The following ICE1 variants were observed in gnomAD, a reference collection of about 807,000 sequenced individuals.
ICE1 encodes the protein little elongation complex subunit 1.
ICE1 carries 64 observed loss-of-function variants against 192.7 expected under a neutral mutation model. That is an observed-to-expected ratio of 0.33 (90% CI 0.27 to 0.41). The LOEUF is 0.41. Among genes scored for constraint, ICE1 ranks in the 10% least tolerant of loss-of-function variants. The pLI, the probability that ICE1 is intolerant of heterozygous loss-of-function variation, is 1.00. For missense variants in ICE1, 2,708 were observed against 2,696.0 expected (o/e 1.00, Z -0.10); for synonymous variants, 1,010 against 984.5 (o/e 1.03, Z -0.49).
In ICE1 at chr5:5,463,762, T is replaced by A. The variant is rs1307546428; in HGVS notation, c.4428T>A (p.Thr1476=). The A allele has an allele frequency of 1.9e-6, 3 of 1,613,988 alleles. No homozygotes were observed. The South Asian group carries it at 3.3e-5, about 18-fold the overall frequency. The change falls in exon 13 of 19, where the codon ACT becomes ACA. Residue 1476 remains threonine, a synonymous_variant. Transcript: ENST00000296564. The part of the protein sequence containing the change: ...SAEKSPEASH[T]GPAFQEAPCG... Reference sequence around the variant, plus strand: ...AGAAGTCCCCAGAGGCCAGTCACACTGGCCCTGCATTTCAGGAGGCTCCAT... The same window carrying A: ...AGAAGTCCCCAGAGGCCAGTCACACAGGCCCTGCATTTCAGGAGGCTCCAT...
chr5:5,429,320 G>A (rs1737627813), intron 1 of ICE1, among the ~76,000 whole-genome samples: 1 of 152,130 alleles, frequency 6.6e-6, no homozygotes, highest in Non-Finnish European at 1.5e-5. Context: ...CATCAGTTTG[G>A]GGAATGATGG....
In ICE1 at chr5:5,477,857, CAT is replaced by C. The variant is rs575136389; in HGVS notation, c.6520+1780_6520+1781del. Among the ~76,000 whole-genome samples, 38 of 152,332 alleles carry C rather than the reference CAT, an allele frequency of 2.5e-4. 1 individual carries two copies. The South Asian group carries it at 7.9e-3, about 32-fold the overall frequency. ...GCAAAGCAATAAGCCTAATCCATCA[CAT>C]AAACAGAACCAGTGACAAAAACCAC... On this transcript the variant is annotated intron_variant, in intron 17 of 18. Coordinates refer to ENST00000296564, the MANE Select transcript of ICE1 (RefSeq NM_015325.3).
intron 11 of ICE1, among the ~76,000 whole-genome samples, chr5:5,456,853 G>A (rs1415709130): frequency 6.6e-6 from 1 of 152,268 alleles, no homozygotes; most frequent in Middle Eastern, 3.4e-3. Context: ...CATAGACCTC[G>A]TCAGATCTTT....
Position 5,463,420 on chromosome 5 carries a change from C to A in ICE1, c.4086C>A (p.Asp1362Glu), listed in dbSNP as rs199818300. 5 of 1,613,320 alleles carry A rather than the reference C, an allele frequency of 3.1e-6. No homozygotes were observed. In the African/African-American group the frequency reaches 6.7e-5, roughly 22 times the overall value. The stretch of plus-strand genomic sequence containing the variant: ...GGCAAACCGATGGTGGGGAAGAAGA[C>A]CTGCCAGAACCTGTGGAGCCATCAG... ...AGRQTDGGEE[D>E]LPEPVEPSAL... is the part of the protein sequence containing the mutation. Residue 1362 changes from aspartate to glutamate, a missense_variant, in exon 13 of 19, where the codon GAC (aspartate) becomes GAA (glutamate). Coordinates refer to ENST00000296564, the MANE Select transcript of ICE1 (RefSeq NM_015325.3).
At chr5:5,488,876 C>A (rs1439453339) in intron 18 of ICE1, among the ~76,000 whole-genome samples, 1 of 152,136 alleles carries the variant, frequency 6.6e-6, no homozygotes, top group Non-Finnish European at 1.5e-5. Flanking sequence ...TGACTGGGAT[C>A]TTGGAGGCCC....
chr5:5,443,385 C>G (rs1738107988), intron 6 of ICE1, 141 bp downstream of exon 6: 2 of 524,688 alleles, frequency 3.8e-6, no homozygotes, highest in East Asian at 3.4e-5. Context: ...TAGTTAGTCT[C>G]TCAACCTTGG....
intron 16 of ICE1, among the ~76,000 whole-genome samples, chr5:5,475,684 C>T (rs573041594): frequency 3.2e-4 from 48 of 152,200 alleles, no homozygotes; most frequent in Admixed American, 5.2e-4. Context: ...TCTACCACTT[C>T]GTAGTTCTGG....
In ICE1 at chr5:5,460,471, TA is replaced by T; in HGVS notation, c.1139del (p.Asn380MetfsTer28). ...TTGGAGAATACACAGATTCCAGCGA[TA>T]ATGACTCAGTCCAGCTTAGAAATTC... ...YFGEYTDSSD[N>X]DSVQLRNSAE... On this transcript the variant is annotated frameshift_variant, in exon 13 of 19. Transcript: ENST00000296564. LOFTEE classifies it high-confidence loss of function. 1 of 1,605,210 alleles carries T rather than the reference TA, an allele frequency of 6.2e-7. No homozygotes were observed. The highest frequency in any genetic ancestry group is 8.5e-7 in the Non-Finnish European group (1 of 1,175,426).
At chr5:5,486,480 A>G (rs1739641443) in intron 17 of ICE1, among the ~76,000 whole-genome samples, 1 of 151,378 alleles carries the variant, frequency 6.6e-6, no homozygotes, top group Non-Finnish European at 1.5e-5. Flanking sequence ...TTGATCTGTT[A>G]ACTTAACAGA....
Position 5,462,343 on chromosome 5 carries a change from T to G in ICE1, c.3009T>G (p.Leu1003=). 6.2e-7 allele frequency: 1 copy of G among 1,613,988 alleles called. No individual in the cohort carries two copies. Among genetic ancestry groups the G allele is most frequent in the Non-Finnish European group, 8.5e-7 (1 of 1,179,896 alleles). The change falls in exon 13 of 19, where the codon CTT becomes CTG. Residue 1003 remains leucine, a synonymous_variant. Transcript: ENST00000296564. ...GTGGGACACATGGCAGTGAGATGCT[T>G]CCAGCCACAGAAGTGACTGTGTCAG... ...DSSGTHGSEM[L]PATEVTVSGG...
At chr5:5,423,095 C>A in intron 1 of ICE1, 96 bp downstream of exon 1, 1 of 652,680 alleles carries the variant, frequency 1.5e-6, no homozygotes, top group Non-Finnish European at 2.2e-6. Flanking sequence ...GGCTGTGCCT[C>A]AGTGCGCTGC....
chr5:5,452,508 C>G (rs1316996510), intron 10 of ICE1, among the ~76,000 whole-genome samples: 2 of 152,016 alleles, frequency 1.3e-5, no homozygotes, highest in Admixed American at 6.5e-5. Context: ...CTGAAACATT[C>G]CTTAAAAGCG....
chr5:5,480,366 C>G (rs1332842519), intron 17 of ICE1, among the ~76,000 whole-genome samples: 1 of 151,202 alleles, frequency 6.6e-6, no homozygotes, highest in Non-Finnish European at 1.5e-5. Context: ...TCTCCTGCCT[C>G]AGCTTCCCTA....
At chr5:5,441,339 ACT>A (rs1477885644) in intron 5 of ICE1, 116 bp downstream of exon 5, 18 of 642,706 alleles carry the variant, frequency 2.8e-5, no homozygotes, top group Admixed American at 1.7e-4. Flanking sequence ...GCTAGTCAAG[ACT>A]CTCAGTGTAT....
chr5:5,466,024 T>C (rs946540513), intron 13 of ICE1, among the ~76,000 whole-genome samples: 1 of 152,098 alleles, frequency 6.6e-6, no homozygotes, highest in East Asian at 1.9e-4. Flanking sequence ...ACCCAAGAAA[T>C]TATGATTATT....
At position 5,436,354 on chromosome 5, in the gene ICE1, TACAG is replaced by T. The variant is rs1015536795; in HGVS notation, c.85-60_85-57del. ...AATTCTTAGATATGATAAATAATGT[TACAG>T]ACAATAATTATATTTAAAGTAATTG... On this transcript the variant is annotated intron_variant, in intron 1 of 18. Coordinates refer to ENST00000296564, the MANE Select transcript of ICE1 (RefSeq NM_015325.3). 4.2e-6 allele frequency: 4 copies of T among 947,704 alleles called. No individual in the cohort carries two copies. In the African/African-American group the frequency reaches 7.0e-5, roughly 17 times the overall value. The allele number at this position is 947,704 out of a possible 1,614,324, so 58.7% of individuals were successfully genotyped here. A position where few individuals can be genotyped will look rare whatever the true frequency, so the allele number is the denominator to read the frequency against.
intron 11 of ICE1, among the ~76,000 whole-genome samples, chr5:5,456,423 TTACG>T (rs1234254179): frequency 6.6e-6 from 1 of 152,238 alleles, no homozygotes; most frequent in Admixed American, 6.5e-5. Context: ...ATTGGAATTC[TTACG>T]TAAGGAAGAG....
rs1334726987 is a variant in ICE1, at chr5:5,466,252, T to G, written c.5893-82T>G. 6 of 1,302,124 alleles carry G rather than the reference T, an allele frequency of 4.6e-6. No homozygotes were observed. In the Admixed American group the frequency reaches 1.8e-4, roughly 39 times the overall value. The allele number at this position is 1,302,124 out of a possible 1,614,324, so 80.7% of individuals were successfully genotyped here. On this transcript the variant is annotated intron_variant, in intron 13 of 18. Transcript: ENST00000296564. ...TTTATTTTTTCAATAGATACTTAAG[T>G]TTTGTAACTTTTAGATAATCTTTGG... is the stretch of plus-strand genomic sequence containing the variant.
At chr5:5,455,468 CA>C (rs2111367929) in intron 11 of ICE1, among the ~76,000 whole-genome samples, 1 of 152,320 alleles carries the variant, frequency 6.6e-6, no homozygotes, top group Admixed American at 6.5e-5. Context: ...TAGGCAGAAG[CA>C]ACCAAGGGAT....
Sources: gnomAD v4.1 joint callset for allele counts (sites outside exome capture counted in the v4.1 genomes callset) on GRCh38, gnomAD v4.1.1 for gene constraint, MANE v1.5 for transcripts, NCBI Gene and HGNC (gene_info 2026-07-23, HGNC 2026-07-21) for gene names.